The following SERPINE3 variants were observed in gnomAD, a reference collection of about 807,000 sequenced individuals.
SERPINE3 encodes the protein serpin E3.
In SERPINE3, 43 loss-of-function variants were observed where a neutral mutation model predicts 41.7. That is an observed-to-expected ratio of 1.03 (90% CI 0.81 to 1.33). The LOEUF (loss-of-function observed/expected upper bound fraction) is 1.33. Among genes scored for constraint, SERPINE3 ranks in the 40% most tolerant of loss-of-function variants. The pLI is 0.00. For missense variants in SERPINE3, 440 were observed against 491.7 expected (o/e 0.89, Z 0.99); for synonymous variants, 200 against 192.2 (o/e 1.04, Z -0.34).
chr13:51,360,158 A>G (rs1202847608), intron 7 of SERPINE3, among the ~76,000 whole-genome samples: 1 of 152,098 alleles, frequency 6.6e-6, no homozygotes, highest in Non-Finnish European at 1.5e-5. Flanking sequence ...TGTGCGTGAC[A>G]AACACAAACC....
Position 51,344,362 on chromosome 13 carries a change from C to G in SERPINE3, c.367C>G (p.Leu123Val). Reference sequence around the variant, plus strand: ...CCTTTTTGTGCAAGTGGGAACGCCACTGTCCCCCTGCTTTGTGGAGCACGT... The same window carrying G: ...CCTTTTTGTGCAAGTGGGAACGCCAGTGTCCCCCTGCTTTGTGGAGCACGT... ...CSLFVQVGTP[L>V]SPCFVEHVSW... The change falls in exon 4 of 10, where the codon CTG (leucine) becomes GTG (valine). Residue 123 changes from leucine to valine, a missense_variant. By Grantham distance (32) the Leu-to-Val change is conservative. Transcript: ENST00000681248. 6.2e-7 allele frequency: 1 copy of G among 1,613,766 alleles called. No homozygotes were observed. The highest frequency in any genetic ancestry group is 2.2e-5 in the East Asian group (1 of 44,886).
intron 3 of SERPINE3, 67 bp from the exon 4 acceptor site, chr13:51,344,185 C>A: frequency 2.7e-6 from 3 of 1,122,238 alleles, no homozygotes; most frequent in Non-Finnish European, 4.0e-6. Flanking sequence ...GCAATGTGTG[C>A]TGGAGGTTGT....
At position 51,348,302 on chromosome 13, in the gene SERPINE3, CG is replaced by C. The variant is rs1401825296; in HGVS notation, c.791del (p.Arg264LeufsTer7). On this transcript the variant is annotated frameshift_variant, in exon 6 of 10. Coordinates refer to ENST00000681248, the MANE Select transcript of SERPINE3 (RefSeq NM_001386375.1). LOFTEE classifies it high-confidence loss of function. ...AGTGAGTCTGTTCCTGGTGCTGCCCCGTGACAAAGACACCCCCCTGAGCCAC... is the reference window on the plus strand; with the variant it reads ...AGTGAGTCTGTTCCTGGTGCTGCCCCTGACAAAGACACCCCCCTGAGCCAC... ...SAVSLFLVLP[R>X]DKDTPLSHIE... 1 of 1,612,898 alleles carries C rather than the reference CG, an allele frequency of 6.2e-7. No individual in the cohort carries two copies. Among genetic ancestry groups the C allele is most frequent in the Non-Finnish European group, 8.5e-7 (1 of 1,179,556 alleles).
chr13:51,364,222 C>T lies in SERPINE3; in HGVS notation c.1172-17C>T, dbSNP rs781616724. 1 of 1,349,162 alleles carries T rather than the reference C, an allele frequency of 7.4e-7. No homozygotes were observed. Among genetic ancestry groups the T allele is most frequent in the South Asian group, 1.4e-5 (1 of 73,654 alleles). 83.6% of individuals were successfully genotyped at this position (1,349,162 alleles called of 1,614,324 possible). On this transcript the variant is annotated splice_polypyrimidine_tract_variant and intron_variant, in intron 9 of 9. Transcript: ENST00000681248. Reference sequence around the variant, plus strand: ...TGAAAATACTATATAATATTAAATTCTTCTTTTTCTTGACAGGGTTTGTCT... The same window carrying T: ...TGAAAATACTATATAATATTAAATTTTTCTTTTTCTTGACAGGGTTTGTCT...
chr13:51,360,542 C>T (rs184962183), intron 7 of SERPINE3, among the ~76,000 whole-genome samples: 1 of 152,016 alleles, frequency 6.6e-6, no homozygotes, highest in African/African-American at 2.4e-5. Context: ...GATTAGCTTA[C>T]AAAAATCAGC....
intron 6 of SERPINE3, 60 bp downstream of exon 6, chr13:51,348,471 T>C: frequency 1.4e-6 from 2 of 1,452,698 alleles, no homozygotes; most frequent in South Asian, 1.2e-5. Context: ...GAGCGTGGAT[T>C]TGCACACAGG....
chr13:51,345,172 C>T (rs548699938), intron 4 of SERPINE3, among the ~76,000 whole-genome samples: 1 of 152,168 alleles, frequency 6.6e-6, no homozygotes, highest in African/African-American at 2.4e-5. Flanking sequence ...GGCGCTATTA[C>T]TCTCCCCATT....
intron 7 of SERPINE3, among the ~76,000 whole-genome samples, chr13:51,356,200 A>G (rs1955479332): frequency 6.6e-6 from 1 of 152,178 alleles, no homozygotes; most frequent in Non-Finnish European, 1.5e-5. Context: ...GCAATAGTCA[A>G]GTTTGGGCAT....
At chr13:51,357,108 A>G (rs1012158364) in intron 7 of SERPINE3, among the ~76,000 whole-genome samples, 3 of 152,200 alleles carry the variant, frequency 2.0e-5, no homozygotes, top group Admixed American at 2.0e-4. Flanking sequence ...TAGTTGAGAC[A>G]GACACCATAT....
intron 1 of SERPINE3, among the ~76,000 whole-genome samples, chr13:51,340,115 G>A (rs1418312832): frequency 6.6e-6 from 1 of 152,220 alleles, no homozygotes; most frequent in Non-Finnish European, 1.5e-5. Flanking sequence ...GAGTTGGAGA[G>A]AGTGAGTGTG....
intron 7 of SERPINE3, among the ~76,000 whole-genome samples, chr13:51,358,003 C>A (rs911475170): frequency 3.2e-4 from 49 of 152,088 alleles, no homozygotes; most frequent in African/African-American, 1.2e-3. Context: ...TTAACTTATG[C>A]CACACCAGAT....
intron 6 of SERPINE3, among the ~76,000 whole-genome samples, chr13:51,353,047 G>A (rs746437242): frequency 1.3e-5 from 2 of 152,116 alleles, no homozygotes; most frequent in Non-Finnish European, 2.9e-5. Flanking sequence ...ATATTGGTCT[G>A]TAATTTGTCT....
At chr13:51,362,138 T>C (rs936757272) in intron 9 of SERPINE3, 65 of 715,140 alleles carry the variant, frequency 9.1e-5, no homozygotes, top group Admixed American at 1.0e-4. Flanking sequence ...TTAATGTAGA[T>C]TTTTTTTTTT....
Position 51,361,844 on chromosome 13 carries a change from T to C in SERPINE3, c.1122T>C (p.Ile374=), listed in dbSNP as rs988523160. The C allele has an allele frequency of 1.2e-6, 2 of 1,611,190 alleles. No individual in the cohort carries two copies. Among genetic ancestry groups the C allele is most frequent in the Non-Finnish European group, 1.7e-6 (2 of 1,178,544 alleles). The change falls in exon 9 of 10, where the codon ATT becomes ATC. Residue 374 remains isoleucine, a synonymous_variant. Coordinates refer to ENST00000681248, the MANE Select transcript of SERPINE3 (RefSeq NM_001386375.1). The part of the protein sequence containing the change: ...LLLLKRSRIP[I]FKADRPFIYF... Reference sequence around the variant, plus strand: ...TATTGAAAAGGTCTCGGATTCCTATTTTTAAAGCAGATCGGCCATTCATCT... The same window carrying C: ...TATTGAAAAGGTCTCGGATTCCTATCTTTAAAGCAGATCGGCCATTCATCT...
intron 4 of SERPINE3, among the ~76,000 whole-genome samples, chr13:51,346,533 TAATA>T (rs1226079067): frequency 6.6e-6 from 1 of 152,202 alleles, no homozygotes; most frequent in Non-Finnish European, 1.5e-5. Flanking sequence ...GAACATATTT[TAATA>T]AATACTCTAC....
intron 4 of SERPINE3, among the ~76,000 whole-genome samples, chr13:51,344,704 G>GCA (rs147836230): frequency 0.026 from 3,877 of 150,442 alleles, 63 homozygotes; most frequent in South Asian, 0.056. Flanking sequence ...ATACACATGG[G>GCA]CACACACACA....
rs140510296 is a variant in SERPINE3 at position 51,347,670 on chromosome 13, A to G, written c.700+436A>G. On this transcript the variant is annotated intron_variant, in intron 5 of 9. Coordinates refer to ENST00000681248, the MANE Select transcript of SERPINE3 (RefSeq NM_001386375.1). ...ATATTAAATGGAAAATTTCACAAATAATTCTCAAGTTTTAAACTGCACGCC... is the reference window on the plus strand; with the variant it reads ...ATATTAAATGGAAAATTTCACAAATGATTCTCAAGTTTTAAACTGCACGCC... Among the ~76,000 whole-genome samples the G allele has an allele frequency of 8.7e-3, 1,329 of 152,280 alleles. 21 individuals are homozygous for G. Among genetic ancestry groups the G allele is most frequent in the African/African-American group, 0.03 (1,230 of 41,536 alleles).
intron 7 of SERPINE3, among the ~76,000 whole-genome samples, chr13:51,357,217 G>A (rs976076563): frequency 6.6e-6 from 1 of 152,130 alleles, no homozygotes; most frequent in African/African-American, 2.4e-5. Flanking sequence ...ACATAATCAA[G>A]AGACTAACCA....
chr13:51,344,107 TCAAACTGGC>T, intron 3 of SERPINE3, 136 bp from the exon 4 acceptor site: 1 of 656,566 alleles, frequency 1.5e-6, no homozygotes, highest in Non-Finnish European at 2.7e-6. Flanking sequence ...TATGACTTTT[TCAAACTGGC>T]TTTGTATGGT....
Sources: gnomAD v4.1 joint callset for allele counts (sites outside exome capture counted in the v4.1 genomes callset) on GRCh38, gnomAD v4.1.1 for gene constraint, MANE v1.5 for transcripts, NCBI Gene and HGNC (gene_info 2026-07-23, HGNC 2026-07-21) for gene names.